The following RNF144A variants were observed in gnomAD, a reference collection of about 807,000 sequenced individuals.
The protein encoded by RNF144A is ring finger protein 144A.
Under a neutral mutation model 38.7 loss-of-function variants are expected in RNF144A, and 11 were observed. That is an observed-to-expected ratio of 0.28 (90% CI 0.18 to 0.47). RNF144A has a LOEUF of 0.47. Among genes scored for constraint, RNF144A ranks in the 20% least tolerant of loss-of-function variants. The pLI, the probability that RNF144A is intolerant of heterozygous loss-of-function variation, is 0.99. For missense variants in RNF144A, 316 were observed against 377.2 expected, an observed-to-expected ratio of 0.84 and a Z score of 1.34; for synonymous variants, 149 against 143.9, an observed-to-expected ratio of 1.04 and a Z score of -0.25.
intron 2 of RNF144A, among the ~76,000 whole-genome samples, chr2:6,953,711 C>G (rs1161429357): frequency 1.3e-5 from 2 of 152,122 alleles, no homozygotes; most frequent in Non-Finnish European, 2.9e-5. Flanking sequence ...TTTGAGAAAA[C>G]TGTGAATTCC....
intron 3 of RNF144A, among the ~76,000 whole-genome samples, chr2:7,012,227 G>A (rs769453413): frequency 2.6e-5 from 4 of 152,176 alleles, no homozygotes; most frequent in Admixed American, 6.5e-5. Context: ...ATAACTGTAA[G>A]AGACAAATCA....
At chr2:6,984,286 C>G (rs538134765) in intron 2 of RNF144A, among the ~76,000 whole-genome samples, 1 of 152,078 alleles carries the variant, frequency 6.6e-6, no homozygotes, top group African/African-American at 2.4e-5. Context: ...CTGCCTGGAA[C>G]CAAGTTTCTT....
intron 2 of RNF144A, among the ~76,000 whole-genome samples, chr2:6,963,514 CTG>C (rs1228677022): frequency 1.3e-5 from 2 of 152,120 alleles, no homozygotes; most frequent in Non-Finnish European, 2.9e-5. Context: ...CAGAATGAAT[CTG>C]TGTAATTGGA....
chr2:6,986,391 G>A (rs1572340733), intron 2 of RNF144A, among the ~76,000 whole-genome samples: 1 of 152,190 alleles, frequency 6.6e-6, no homozygotes, highest in South Asian at 2.1e-4. Context: ...TTGTTGCTTA[G>A]CAACAAGGTT....
downstream of RNF144A, among the ~76,000 whole-genome samples, chr2:7,047,495 C>T (rs1673352626): frequency 6.6e-6 from 1 of 152,188 alleles, no homozygotes. Flanking sequence ...ATAAACCCAT[C>T]ACATCTCGTG....
At position 6,963,300 on chromosome 2, in the gene RNF144A, TG is replaced by T. The variant is rs548298003; in HGVS notation, c.-12+22159del. 3.2e-4 allele frequency among the ~76,000 whole-genome samples: 48 copies of T among 152,288 alleles called. 1 individual carries two copies. Among genetic ancestry groups the T allele is most frequent in the African/African-American group, 1.2e-3 (48 of 41,550 alleles). On this transcript the variant is annotated intron_variant, in intron 2 of 8. Transcript: ENST00000320892. ...GGAGGTAGGTGAATCTCCAATGATTTGGGGGGCATGAAAGTTAATATGCAAC... is the reference window on the plus strand; with the variant it reads ...GGAGGTAGGTGAATCTCCAATGATTTGGGGGCATGAAAGTTAATATGCAAC...
intron 2 of RNF144A, among the ~76,000 whole-genome samples, chr2:6,965,342 G>C (rs905246314): frequency 6.6e-6 from 1 of 152,142 alleles, no homozygotes; most frequent in Admixed American, 6.5e-5. Flanking sequence ...GGTGGGGAGC[G>C]GCCCCCACCA....
chr2:6,959,190 C>T (rs1667183849), intron 2 of RNF144A, among the ~76,000 whole-genome samples: 1 of 152,158 alleles, frequency 6.6e-6, no homozygotes, highest in African/African-American at 2.4e-5. Flanking sequence ...GGCTTGTCTG[C>T]AACTCCAGGG....
chr2:7,033,776 T>C (rs1032859498), intron 8 of RNF144A, among the ~76,000 whole-genome samples: 1 of 152,230 alleles, frequency 6.6e-6, no homozygotes, highest in Non-Finnish European at 1.5e-5. Flanking sequence ...AAAAGTGCTC[T>C]TGGGAGCAGG....
At chr2:7,068,414 G>T, downstream of RNF144A, 1 of 426,046 alleles carries the variant, frequency 2.3e-6, no homozygotes, top group Non-Finnish European at 4.4e-6. Context: ...GAAGAAAGAA[G>T]AATCAAGAGT....
chr2:6,945,631 G>T (rs1666287345), intron 2 of RNF144A, among the ~76,000 whole-genome samples: 1 of 152,110 alleles, frequency 6.6e-6, no homozygotes, highest in Admixed American at 6.5e-5. Context: ...TCCATGATGT[G>T]CAAGGTCCCA....
At chr2:6,968,968 C>A (rs113254385) in intron 2 of RNF144A, among the ~76,000 whole-genome samples, 2 of 152,158 alleles carry the variant, frequency 1.3e-5, no homozygotes, top group African/African-American at 4.8e-5. Flanking sequence ...ACCTCAAGAG[C>A]GCAGCATGTG....
Position 7,054,591 on chromosome 2 carries a change from C to T in RNF144A, c.735-13625C>T, listed in dbSNP as rs561711734. Among the ~76,000 whole-genome samples, 24 of 152,264 alleles carry T rather than the reference C, an allele frequency of 1.6e-4. 1 individual carries two copies. The South Asian group carries it at 4.8e-3, about 30-fold the overall frequency. On this transcript the variant is annotated intron_variant, in intron 6 of 6. Coordinates refer to the RNF144A transcript ENST00000432850. The stretch of plus-strand genomic sequence containing the variant: ...TGCCACGGTCTGAATGTATGTGTTT[C>T]CCCCAAATTTATATGTTGGGACATA...
At chr2:6,975,454 A>G (rs1004790734) in intron 2 of RNF144A, among the ~76,000 whole-genome samples, 2 of 152,162 alleles carry the variant, frequency 1.3e-5, no homozygotes, top group African/African-American at 4.8e-5. Context: ...TGAGAATCCA[A>G]CTGCCACCTG....
chr2:6,961,759 C>T (rs1273258753), intron 2 of RNF144A, among the ~76,000 whole-genome samples: 1 of 152,196 alleles, frequency 6.6e-6, no homozygotes, highest in Non-Finnish European at 1.5e-5. Flanking sequence ...CCTTAAAGCC[C>T]AGCATGAATA....
chr2:6,926,086 G>C (rs1319088112), intron 1 of RNF144A, among the ~76,000 whole-genome samples: 1 of 152,204 alleles, frequency 6.6e-6, no homozygotes, highest in African/African-American at 2.4e-5. Flanking sequence ...GCAGCGGCTT[G>C]GGATGTTACT....
intron 2 of RNF144A, among the ~76,000 whole-genome samples, chr2:6,981,379 T>C (rs1668624830): frequency 6.6e-6 from 1 of 152,196 alleles, no homozygotes; most frequent in Admixed American, 6.5e-5. Context: ...CGTCTCTTTG[T>C]GAATGCATGT....
intron 3 of RNF144A, among the ~76,000 whole-genome samples, chr2:7,005,551 C>T (rs1572384863): frequency 6.6e-6 from 1 of 151,918 alleles, no homozygotes; most frequent in East Asian, 1.9e-4. Context: ...CTGGCAGTTT[C>T]CAGCTGCCAA....
chr2:6,928,551 T>C (rs1665020288), intron 1 of RNF144A, among the ~76,000 whole-genome samples: 1 of 152,216 alleles, frequency 6.6e-6, no homozygotes, highest in Non-Finnish European at 1.5e-5. Flanking sequence ...ATACTAGACG[T>C]GCCCCCAGGC....
Sources: allele counts gnomAD v4.1 joint callset (sites outside exome capture counted in the v4.1 genomes callset), GRCh38; gene constraint gnomAD v4.1.1; transcripts MANE v1.5; gene names NCBI Gene and HGNC (gene_info 2026-07-23, HGNC 2026-07-21).